Variants in NDUFAB1 observed in about 807,000 individuals in gnomAD.
NDUFAB1 encodes NADH:ubiquinone oxidoreductase subunit AB1.
A neutral mutation model predicts 16.1 loss-of-function variants in NDUFAB1; 5 were observed. The ratio of observed to expected loss-of-function variants is 0.31; its 90% CI spans 0.16 to 0.65. The LOEUF is 0.65. NDUFAB1 is among the 30% of genes least tolerant of loss of function. The probability of loss-of-function intolerance (pLI) is 0.77; values close to 1 mark genes in which losing one functional copy is unlikely to be tolerated. For missense variants in NDUFAB1, 187 were observed against 205.3 expected (o/e 0.91, Z 0.54); for synonymous variants, 85 against 78.4 (o/e 1.08, Z -0.44).
intron 1 of NDUFAB1, among the ~76,000 whole-genome samples, chr16:23,590,253 G>A (rs1597055568): frequency 6.6e-6 from 1 of 152,180 alleles, no homozygotes. Flanking sequence ...TCTAGAGTGG[G>A]TGCTGCATCA....
chr16:23,587,161 T>C, intron 2 of NDUFAB1, 36 bp downstream of exon 2: 1 of 1,588,928 alleles, frequency 6.3e-7, no homozygotes, highest in Non-Finnish European at 8.6e-7. Flanking sequence ...AAATACTCTA[T>C]ATTTAAAGAA....
chr16:23,592,285 A>G (rs1392277728), intron 1 of NDUFAB1, among the ~76,000 whole-genome samples: 1 of 151,390 alleles, frequency 6.6e-6, no homozygotes, highest in East Asian at 1.9e-4. Context: ...TTGAAGCTGC[A>G]CTGATATATG....
intron 2 of NDUFAB1, 30 bp from the exon 3 acceptor site, chr16:23,585,453 T>G: frequency 1.3e-6 from 2 of 1,536,360 alleles, no homozygotes; most frequent in Admixed American, 1.7e-5. Flanking sequence ...AACACAAAAT[T>G]TAGTCCATGA....
chr16:23,590,047 C>G (rs1966266274), intron 1 of NDUFAB1, among the ~76,000 whole-genome samples: 1 of 151,934 alleles, frequency 6.6e-6, no homozygotes, highest in Non-Finnish European at 1.5e-5. Flanking sequence ...ATCGCTTGAG[C>G]CCAGGAGTTC....
intron 1 of NDUFAB1, among the ~76,000 whole-genome samples, chr16:23,590,711 A>G (rs1966273000): frequency 6.9e-6 from 1 of 144,640 alleles, no homozygotes; most frequent in Non-Finnish European, 1.5e-5. Context: ...ACCTTGGCTC[A>G]CCACAACTTC....
intron 1 of NDUFAB1, among the ~76,000 whole-genome samples, chr16:23,592,982 T>A (rs913839914): frequency 2.0e-5 from 3 of 152,128 alleles, no homozygotes; most frequent in Admixed American, 6.6e-5. Flanking sequence ...GTAAGAGAAC[T>A]CGGGAGCCCA....
intron 3 of NDUFAB1, among the ~76,000 whole-genome samples, chr16:23,584,230 C>T (rs1264981931): frequency 8.6e-4 from 47 of 54,558 alleles, no homozygotes; most frequent in Non-Finnish European, 5.4e-4. Flanking sequence ...TCCCCCTCTG[C>T]GAGAAACACC....
At chr16:23,581,607 A>C (rs1966180415) in intron 4 of NDUFAB1, among the ~76,000 whole-genome samples, 1 of 152,102 alleles carries the variant, frequency 6.6e-6, no homozygotes, top group Admixed American at 6.6e-5. Context: ...CACTAATACA[A>C]TGTTTTAATT....
chr16:23,582,838 C>G (rs1289526388), intron 3 of NDUFAB1, among the ~76,000 whole-genome samples: 3 of 151,676 alleles, frequency 2.0e-5, no homozygotes. Context: ...CCCTCTCCCT[C>G]TCTTTCCATG....
At chr16:23,587,951 C>T (rs1966247498) in intron 1 of NDUFAB1, among the ~76,000 whole-genome samples, 2 of 152,238 alleles carry the variant, frequency 1.3e-5, no homozygotes, top group African/African-American at 4.8e-5. Context: ...AAACCATGAG[C>T]CCTTCTGGCC....
At chr16:23,587,517 C>T (rs1966244225) in intron 1 of NDUFAB1, among the ~76,000 whole-genome samples, 198 bp from the exon 2 acceptor site, 1 of 152,240 alleles carries the variant, frequency 6.6e-6, no homozygotes, top group Non-Finnish European at 1.5e-5. Flanking sequence ...AGCAGCATCT[C>T]AGGCCTCCTT....
At chr16:23,595,778 C>T (rs1278259812) in intron 1 of NDUFAB1, 5 of 483,474 alleles carry the variant, frequency 1.0e-5, no homozygotes, top group South Asian at 9.5e-5. Context: ...GGTGCTCTAG[C>T]CGCATTAACT....
intron 1 of NDUFAB1, among the ~76,000 whole-genome samples, chr16:23,592,702 T>C (rs1446271620): frequency 1.3e-5 from 2 of 152,190 alleles, no homozygotes; most frequent in Admixed American, 6.5e-5. Flanking sequence ...TTTTTGTTTT[T>C]TTGTTTTTTC....
intron 3 of NDUFAB1, among the ~76,000 whole-genome samples, chr16:23,582,783 G>GTCTCCC (rs1185959483): frequency 7.5e-6 from 1 of 133,060 alleles, no homozygotes; most frequent in South Asian, 2.4e-4. Flanking sequence ...TCTCCCCAAG[G>GTCTCCC]TCTCCCTCTC....
Position 23,586,914 on chromosome 16 carries a change from C to T in NDUFAB1, c.291+283G>A, listed in dbSNP as rs182490265. Among the ~76,000 whole-genome samples the T allele has an allele frequency of 8.0e-3, 1,222 of 152,334 alleles. 18 individuals carry two copies. Among genetic ancestry groups the T allele is most frequent in the African/African-American group, 0.028 (1,153 of 41,570 alleles). On this transcript the variant is annotated intron_variant, in intron 2 of 4. Transcript: ENST00000007516. ...CCGCCCGCCTCGGCCTCCCAAAGTG[C>T]TGGGATTACAGGCATGAGCCACAGT...
At position 23,596,251 on chromosome 16, in the gene NDUFAB1, G is replaced by T; in HGVS notation, c.40C>A (p.Pro14Thr). ...RVLSAYVSRL[P>T]AAFAPLPRVR... ...CGGGGCAGCGGCGCAAAGGCCGCGG[G>T]CAGGCGGCTGACATAGGCTGAAAGG... The change falls in exon 1 of 5, where the codon CCC becomes ACC. Residue 14 changes from proline to threonine, a missense_variant. Transcript: ENST00000007516. 3 of 1,597,686 alleles carry T rather than the reference G, an allele frequency of 1.9e-6. No homozygotes were observed. The highest frequency in any genetic ancestry group is 1.4e-5 in the African/African-American group (1 of 73,954).
chr16:23,595,974 C>A, intron 1 of NDUFAB1, 149 bp downstream of exon 1: 1 of 972,728 alleles, frequency 1.0e-6, no homozygotes. Flanking sequence ...GTCAACTAAA[C>A]ACCTTTAGGC....
chr16:23,595,462 G>A (rs893795091), intron 1 of NDUFAB1: 39 of 410,078 alleles, frequency 9.5e-5, no homozygotes, highest in South Asian at 6.7e-4. Context: ...TCCGCTTATA[G>A]GAAGAGCCTG....
chr16:23,592,133 T>C (rs1966285310), intron 1 of NDUFAB1, among the ~76,000 whole-genome samples: 1 of 151,770 alleles, frequency 6.6e-6, no homozygotes, highest in Non-Finnish European at 1.5e-5. Flanking sequence ...TTGGATTTGG[T>C]GAGGAAAAGA....
Sources: gnomAD v4.1 joint callset for allele counts (sites outside exome capture counted in the v4.1 genomes callset) on GRCh38, gnomAD v4.1.1 for gene constraint, MANE v1.5 for transcripts, NCBI Gene and HGNC (gene_info 2026-07-23, HGNC 2026-07-21) for gene names.